PLCE1: variants seen among roughly 807,000 people sequenced by gnomAD.
PLCE1 encodes phospholipase C epsilon 1.
A neutral mutation model predicts 242.8 loss-of-function variants in PLCE1; 119 were observed. The observed-to-expected ratio is 0.49, with a 90% CI of 0.42 to 0.57. The LOEUF (loss-of-function observed/expected upper bound fraction) is 0.57. Among genes scored for constraint, PLCE1 ranks in the 20% least tolerant of loss-of-function variants. The pLI, the probability that PLCE1 is intolerant of heterozygous loss-of-function variation, is 0.00. For synonymous variants in PLCE1, 945 were observed against 1,017.4 expected, an observed-to-expected ratio of 0.93 and a Z score of 1.35; for missense variants, 2,441 against 2,788.8, an observed-to-expected ratio of 0.88 and a Z score of 2.81.
intron 1 of PLCE1, among the ~76,000 whole-genome samples, chr10:94,007,565 TTCTC>T (rs1294450335): frequency 1.5e-5 from 2 of 134,402 alleles, no homozygotes; most frequent in Non-Finnish European, 3.1e-5. Flanking sequence ...TACAAATACA[TTCTC>T]TCTCTCTTTT....
intron 2 of PLCE1, among the ~76,000 whole-genome samples, chr10:94,126,713 A>G (rs1236684747): frequency 6.6e-6 from 1 of 152,248 alleles, no homozygotes; most frequent in Admixed American, 6.5e-5. Context: ...AGTTTCTCTC[A>G]TTTGTGACTG....
At position 94,246,284 on chromosome 10, in the gene PLCE1, T is replaced by C; in HGVS notation, c.2759T>C (p.Phe920Ser). ...AATAACACAGCTGAGCCTGGAAAAT[T>C]CCCACTACTGGGTAATGCTGGATTA... ...VLNNTAEPGK[F>S]PLLGNAGLSS... The change falls in exon 8 of 33, where the codon TTC becomes TCC. Residue 920 changes from phenylalanine (F) to serine (S), a missense_variant. This residue lies in a region of PLCE1 where 733 missense variants were observed against 754.2 expected (regional missense o/e 0.97). Transcript: ENST00000371380. 2.5e-6 allele frequency: 4 copies of C among 1,614,152 alleles called. No homozygotes were observed. The highest frequency in any genetic ancestry group is 3.4e-6 in the Non-Finnish European group (4 of 1,180,010).
rs145382819 is a variant in PLCE1, at chr10:94,202,441, A to G, written c.1810-24865A>G. ...TACATTCAGACCCAGATCATTGTCT[A>G]TGACAAAACGGAGACAAAACTGAGC... On this transcript the variant is annotated intron_variant, in intron 4 of 32. Transcript: ENST00000371380. Among the ~76,000 whole-genome samples the G allele has an allele frequency of 1.3e-4, 20 of 152,220 alleles. 1 individual carries two copies. Among genetic ancestry groups the G allele is most frequent in the Non-Finnish European group, 2.2e-4 (15 of 68,026 alleles).
At chr10:94,033,175 G>A (rs1309732082) in intron 2 of PLCE1, among the ~76,000 whole-genome samples, 1 of 151,916 alleles carries the variant, frequency 6.6e-6, no homozygotes, top group East Asian at 1.9e-4. Flanking sequence ...GAGGGGGTAG[G>A]GGGCAGTTCT....
At chr10:94,231,896 C>T (rs998563162) in intron 5 of PLCE1, among the ~76,000 whole-genome samples, 3 of 152,214 alleles carry the variant, frequency 2.0e-5, no homozygotes, top group African/African-American at 7.2e-5. Context: ...TGCTCATCTC[C>T]TGCTGTGCAG....
intron 1 of PLCE1, among the ~76,000 whole-genome samples, chr10:93,996,143 G>T (rs989656396): frequency 2.0e-5 from 3 of 152,222 alleles, no homozygotes; most frequent in Non-Finnish European, 4.4e-5. Context: ...GCGCGCGCGT[G>T]TGTGTTCCAC....
chr10:94,250,571 A>G (rs558478922), intron 8 of PLCE1, among the ~76,000 whole-genome samples: 132 of 152,354 alleles, frequency 8.7e-4, no homozygotes, highest in African/African-American at 3.1e-3. Flanking sequence ...TGTGTAAAAC[A>G]AAAGAAAGAT....
chr10:94,104,067 G>A (rs2045636166), intron 2 of PLCE1: 1 of 152,228 alleles, frequency 6.6e-6, no homozygotes, highest in Non-Finnish European at 1.5e-5. Context: ...TATGAGCTGA[G>A]TAGGATGAGC....
chr10:94,249,173 T>A (rs2050789827), intron 8 of PLCE1, among the ~76,000 whole-genome samples: 1 of 152,214 alleles, frequency 6.6e-6, no homozygotes, highest in Admixed American at 6.5e-5. Context: ...ATGAGCCATT[T>A]ATGAAGTCAG....
intron 1 of PLCE1, among the ~76,000 whole-genome samples, chr10:94,010,256 TG>T (rs1303784657): frequency 6.6e-6 from 1 of 152,224 alleles, no homozygotes; most frequent in African/African-American, 2.4e-5. Context: ...GAGCCACAGC[TG>T]GAACTGGGGC....
At chr10:94,239,292 C>T (rs926066280) in intron 7 of PLCE1, among the ~76,000 whole-genome samples, 4 of 152,142 alleles carry the variant, frequency 2.6e-5, no homozygotes, top group South Asian at 2.1e-4. Context: ...AATTGAATCA[C>T]GGGGGCGGTT....
chr10:94,075,311 G>T (rs1487742577), intron 2 of PLCE1, among the ~76,000 whole-genome samples: 1 of 152,212 alleles, frequency 6.6e-6, no homozygotes, highest in African/African-American at 2.4e-5. Flanking sequence ...TACGAAGTAG[G>T]TGGCAGATGC....
intron 21 of PLCE1, 80 bp downstream of exon 21, chr10:94,283,991 C>T (rs1474081402): frequency 1.3e-6 from 2 of 1,507,944 alleles, no homozygotes; most frequent in Non-Finnish European, 1.8e-6. Context: ...CACTTGCTCC[C>T]TGTCCCTCCC....
chr10:94,310,886 T>C (rs1021730103), intron 27 of PLCE1, among the ~76,000 whole-genome samples: 1 of 152,122 alleles, frequency 6.6e-6, no homozygotes, highest in Non-Finnish European at 1.5e-5. Flanking sequence ...CTACTCCTAC[T>C]TCAGATGCCA....
intron 28 of PLCE1, chr10:94,315,467 G>C (rs1450756498): frequency 2.2e-6 from 1 of 455,888 alleles, no homozygotes; most frequent in Non-Finnish European, 4.4e-6. Flanking sequence ...GTAGTAACCT[G>C]TACAATATGA....
chr10:93,994,627 G>A (rs893779727), intron 1 of PLCE1, among the ~76,000 whole-genome samples: 3 of 152,238 alleles, frequency 2.0e-5, no homozygotes, highest in Non-Finnish European at 4.4e-5. Flanking sequence ...GGAGAGATTT[G>A]TGTACATCAA....
chr10:94,258,715 T>C, intron 11 of PLCE1, 85 bp from the exon 12 acceptor site: 1 of 1,528,784 alleles, frequency 6.5e-7, no homozygotes, highest in Non-Finnish European at 9.1e-7. Flanking sequence ...CTTTTGCTCA[T>C]ATTGCTAATT....
chr10:94,030,502 G>C (rs1056885140), intron 1 of PLCE1, among the ~76,000 whole-genome samples, 181 bp from the exon 2 acceptor site: 3 of 150,554 alleles, frequency 2.0e-5, no homozygotes, highest in African/African-American at 7.3e-5. Context: ...ACTCCATTTT[G>C]GCTGGAAGCA....
chr10:94,176,589 A>G (rs1394585328), intron 4 of PLCE1, among the ~76,000 whole-genome samples: 2 of 152,212 alleles, frequency 1.3e-5, no homozygotes, highest in Non-Finnish European at 2.9e-5. Flanking sequence ...AAAGATGTAT[A>G]TTCCTTGGAA....
Sources: gnomAD v4.1 joint callset for allele counts (sites outside exome capture counted in the v4.1 genomes callset) on GRCh38, gnomAD v4.1.1 for gene constraint, gnomAD v4.1.1 regional missense constraint, MANE v1.5 for transcripts, NCBI Gene and HGNC (gene_info 2026-07-23, HGNC 2026-07-21) for gene names.